Variants in FANCC observed in about 807,000 individuals in gnomAD.
The protein encoded by FANCC is FA complementation group C, also known as Fanconi anemia group C protein.
FANCC carries 55 observed loss-of-function variants against 71.3 expected under a neutral mutation model. That is an observed-to-expected ratio of 0.77 (90% CI 0.62 to 0.97). FANCC has a LOEUF of 0.97. Ranked by LOEUF, FANCC falls within the 50% of genes least tolerant of loss-of-function variation. The pLI is 0.00. For missense variants in FANCC, 678 were observed against 670.9 expected (o/e 1.01, Z -0.12); for synonymous variants, 275 against 244.9 (o/e 1.12, Z -1.15).
chr9:95,111,623 G>T lies in FANCC; in HGVS notation c.1169C>A (p.Pro390His), dbSNP rs754293275. The change falls in exon 13 of 15, where the codon CCC becomes CAC. Residue 390 changes from proline (P) to histidine (H), a missense_variant. By Grantham distance (77) the Pro-to-His change is moderately conservative. Coordinates refer to ENST00000289081, the MANE Select transcript of FANCC (RefSeq NM_000136.3). ...EDQTHGSCGGPFESWFLFIHF... is the reference protein window; with the variant it reads ...EDQTHGSCGGHFESWFLFIHF... ...AATGAACAGGAACCAGCTCTCAAAG[G>T]GACCTCCGCAGGACCTGGAACAGAG... 6.2e-7 allele frequency: 1 copy of T among 1,614,146 alleles called. No individual in the cohort carries two copies. The highest frequency in any genetic ancestry group is 1.1e-5 in the South Asian group (1 of 91,078).
At chr9:95,158,115 A>G (rs907754613) in intron 6 of FANCC, among the ~76,000 whole-genome samples, 1 of 152,150 alleles carries the variant, frequency 6.6e-6, no homozygotes. Flanking sequence ...TCTCCGGCCT[A>G]CCTTTCAATT....
At chr9:95,135,633 A>C (rs1413920048) in intron 7 of FANCC, 131 bp from the exon 8 acceptor site, 12 of 727,086 alleles carry the variant, frequency 1.7e-5, no homozygotes, top group Admixed American at 5.1e-5. Flanking sequence ...AGTGGCTAAT[A>C]ATTTATAGAA....
At chr9:95,287,072 T>C (rs1253106198) in intron 1 of FANCC, among the ~76,000 whole-genome samples, 1 of 152,136 alleles carries the variant, frequency 6.6e-6, no homozygotes, top group Non-Finnish European at 1.5e-5. Context: ...AGGACAATTA[T>C]AAGCACCGTA....
chr9:95,214,396 C>T lies in FANCC; in HGVS notation c.345+26253G>A, dbSNP rs539731073. On this transcript the variant is annotated intron_variant, in intron 4 of 14. Coordinates refer to ENST00000289081, the MANE Select transcript of FANCC (RefSeq NM_000136.3). ...ACAGTGAGCCATGATCACATTACTG[C>T]ACTCTAGCCTGGGAAACACAGCAAG... is the stretch of plus-strand genomic sequence containing the variant. Among the ~76,000 whole-genome samples, 8 of 152,272 alleles carry T rather than the reference C, an allele frequency of 5.3e-5. No homozygotes were observed. The East Asian group carries it at 1.5e-3, about 29-fold the overall frequency.
intron 1 of FANCC, among the ~76,000 whole-genome samples, chr9:95,308,630 C>T (rs1440410577): frequency 2.0e-5 from 3 of 151,778 alleles, no homozygotes; most frequent in Non-Finnish European, 2.9e-5. Flanking sequence ...CCACCCGCCT[C>T]GGCCTCCCAA....
At chr9:95,225,236 A>C (rs1410347644) in intron 4 of FANCC, among the ~76,000 whole-genome samples, 1 of 152,190 alleles carries the variant, frequency 6.6e-6, no homozygotes, top group Non-Finnish European at 1.5e-5. Context: ...ACACATCCTC[A>C]CTAGTGGCTA....
At chr9:95,167,229 T>TTCAA (rs1825360068) in intron 6 of FANCC, among the ~76,000 whole-genome samples, 1 of 152,172 alleles carries the variant, frequency 6.6e-6, no homozygotes, top group South Asian at 2.1e-4. Context: ...ACTTTTTTCT[T>TTCAA]GCTGCTTTCA....
intron 1 of FANCC, among the ~76,000 whole-genome samples, chr9:95,289,682 GCT>G (rs1318449707): frequency 6.6e-6 from 1 of 152,236 alleles, no homozygotes; most frequent in East Asian, 1.9e-4. Context: ...ACAGGGTCTT[GCT>G]CTGTCACCCA....
chr9:95,193,355 G>A (rs1266460343), intron 4 of FANCC, among the ~76,000 whole-genome samples: 4 of 152,200 alleles, frequency 2.6e-5, no homozygotes, highest in South Asian at 2.1e-4. Flanking sequence ...AGGCCATGGC[G>A]AGCAGAAGAA....
At chr9:95,123,698 G>T in intron 10 of FANCC, 1 of 681,588 alleles carries the variant, frequency 1.5e-6, no homozygotes. Flanking sequence ...GAGCGTCTTT[G>T]ATGCCTATGT....
chr9:95,248,136 A>G (rs1414819398), intron 2 of FANCC, among the ~76,000 whole-genome samples: 1 of 152,248 alleles, frequency 6.6e-6, no homozygotes, highest in Non-Finnish European at 1.5e-5. Context: ...AAAACAGCTT[A>G]AGATTTAAAA....
At chr9:95,294,818 A>G (rs1025513365) in intron 1 of FANCC, 55 of 1,532,804 alleles carry the variant, frequency 3.6e-5, no homozygotes, top group Non-Finnish European at 4.5e-5. Flanking sequence ...TAAAACTAAC[A>G]GTGGAGTCCA....
chr9:95,218,418 T>C (rs1829013738), intron 4 of FANCC, among the ~76,000 whole-genome samples: 1 of 152,124 alleles, frequency 6.6e-6, no homozygotes. Context: ...TGAGCTATGA[T>C]TGGCCACTGC....
At chr9:95,291,136 T>C (rs1029276029) in intron 1 of FANCC, among the ~76,000 whole-genome samples, 2 of 152,078 alleles carry the variant, frequency 1.3e-5, no homozygotes, top group African/African-American at 4.8e-5. Context: ...TGGGGAAAAG[T>C]TAAAAGCATT....
At chr9:95,277,084 G>A (rs944459825) in intron 1 of FANCC, among the ~76,000 whole-genome samples, 1 of 152,138 alleles carries the variant, frequency 6.6e-6, no homozygotes, top group Non-Finnish European at 1.5e-5. Context: ...CATTGTTCTT[G>A]AACAGTTATT....
At chr9:95,272,392 G>T (rs1286602844) in intron 1 of FANCC, among the ~76,000 whole-genome samples, 1 of 151,964 alleles carries the variant, frequency 6.6e-6, no homozygotes, top group Non-Finnish European at 1.5e-5. Context: ...GACATCTTAG[G>T]TTGGGATGGA....
intron 8 of FANCC, among the ~76,000 whole-genome samples, chr9:95,131,881 T>A (rs1286721355): frequency 6.6e-6 from 1 of 152,180 alleles, no homozygotes; most frequent in African/African-American, 2.4e-5. Flanking sequence ...AGTGCTACAA[T>A]TGCTACCTGG....
chr9:95,249,391 G>C, intron 1 of FANCC, 22 bp from the exon 2 acceptor site: 1 of 1,235,234 alleles, frequency 8.1e-7, no homozygotes, highest in Non-Finnish European at 1.2e-6. Flanking sequence ...GGAACAAATA[G>C]AAGCATTTCT....
chr9:95,247,695 A>G (rs1831077719), intron 2 of FANCC, among the ~76,000 whole-genome samples, 179 bp from the exon 3 acceptor site: 1 of 152,236 alleles, frequency 6.6e-6, no homozygotes, highest in Admixed American at 6.5e-5. Context: ...TTTAAAAAGC[A>G]ACCAACCAAC....
Sources: gnomAD v4.1 joint callset for allele counts (sites outside exome capture counted in the v4.1 genomes callset) on GRCh38, gnomAD v4.1.1 for gene constraint, MANE v1.5 for transcripts, NCBI Gene and HGNC (gene_info 2026-07-23, HGNC 2026-07-21) for gene names.